Variants in DLGAP3 observed in about 807,000 individuals in gnomAD.
DLGAP3 encodes DLG associated protein 3.
A neutral mutation model predicts 81.2 loss-of-function variants in DLGAP3; 17 were observed. The observed-to-expected ratio is 0.21, with a 90% CI of 0.14 to 0.31. The LOEUF (loss-of-function observed/expected upper bound fraction) is 0.31, where lower values mean the gene tolerates loss of function less well. DLGAP3 is among the 10% of genes least tolerant of loss of function. The probability of loss-of-function intolerance (pLI) is 1.00; values close to 1 mark genes in which losing one functional copy is unlikely to be tolerated. For synonymous variants in DLGAP3, 577 were observed against 587.4 expected (o/e 0.98, Z 0.26); for missense variants, 1,124 against 1,388.0 (o/e 0.81, Z 3.02).
At chr1:34,928,514 G>A (rs1639907345) in intron 1 of DLGAP3, among the ~76,000 whole-genome samples, 1 of 152,130 alleles carries the variant, frequency 6.6e-6, no homozygotes, top group South Asian at 2.1e-4. Flanking sequence ...TAGAGACCAA[G>A]CTGGGGAGTG....
At position 34,869,100 on chromosome 1, in the gene DLGAP3, G is replaced by T; in HGVS notation, c.2001-11C>A. 3 of 1,575,262 alleles carry T rather than the reference G, an allele frequency of 1.9e-6. No individual in the cohort carries two copies. In the South Asian group the frequency reaches 3.4e-5, roughly 18 times the overall value. ...TTGAACCTTGCTCGCCTGGGGAGAGGGGTGGCTGTCATCCCCCATTGCCCA... is the reference window on the plus strand; with the variant it reads ...TTGAACCTTGCTCGCCTGGGGAGAGTGGTGGCTGTCATCCCCCATTGCCCA... On this transcript the variant is annotated splice_polypyrimidine_tract_variant and intron_variant, in intron 8 of 11. Transcript: ENST00000373347.
chr1:34,888,044 T>C (rs1344066838), intron 5 of DLGAP3, among the ~76,000 whole-genome samples: 1 of 152,142 alleles, frequency 6.6e-6, no homozygotes, highest in Non-Finnish European at 1.5e-5. Context: ...GTAGAGTCCA[T>C]TGGATGAAGT....
rs1639011917 is a variant in DLGAP3, at chr1:34,873,738, A to G, written c.2001-4649T>C. 6.6e-6 allele frequency among the ~76,000 whole-genome samples: 1 copy of G among 152,152 alleles called. No homozygotes were observed. Among genetic ancestry groups the G allele is most frequent in the Non-Finnish European group, 1.5e-5 (1 of 68,028 alleles). On this transcript the variant is annotated intron_variant, in intron 8 of 11. Coordinates refer to ENST00000373347, the MANE Select transcript of DLGAP3 (RefSeq NM_001080418.3). This position sits in a 1 kb window ranked among gnomAD's most constrained non-coding sequence, Gnocchi z 4.2. ...ACAGCGCTTTGAACAAAACTCTTTT[A>G]TACTCCATATCACATTGTATCATGG...
intron 8 of DLGAP3, among the ~76,000 whole-genome samples, chr1:34,883,959 C>T (rs1224109417): frequency 6.6e-6 from 1 of 151,986 alleles, no homozygotes; most frequent in African/African-American, 2.4e-5. Context: ...CACTCAGTCA[C>T]CCAGGCTGGA....
intron 5 of DLGAP3, 77 bp from the exon 6 acceptor site, chr1:34,886,362 G>GGGAA: frequency 7.4e-7 from 1 of 1,359,926 alleles, no homozygotes; most frequent in Non-Finnish European, 9.9e-7. Context: ...TCTGCCTTAG[G>GGGAA]GGAAGACCTC....
At chr1:34,869,530 C>T (rs558453177) in intron 8 of DLGAP3, among the ~76,000 whole-genome samples, 373 of 144,506 alleles carry the variant, frequency 2.6e-3, no homozygotes, top group Non-Finnish European at 4.2e-3. Flanking sequence ...GCTCTTGTTG[C>T]CCAGGCTGGA....
In DLGAP3 at chr1:34,904,870, G is replaced by T; in HGVS notation, c.514C>A (p.His172Asn). 1 of 1,610,262 alleles carries T rather than the reference G, an allele frequency of 6.2e-7. No individual in the cohort carries two copies. The change falls in exon 3 of 12, where the codon CAC becomes AAC. Residue 172 changes from histidine to asparagine, a missense_variant. By Grantham distance (68) the His-to-Asn change is moderately conservative (BLOSUM62 1). Transcript: ENST00000373347. The surrounding 1 kb of genome is among the most constrained non-coding windows in gnomAD (Gnocchi z 8.1). ...PRSESPSRIR[H>N]LVHSVQKLFA... is the part of the protein sequence containing the mutation. ...AGCTTCTGCACAGAATGAACCAGGT[G>T]CCGGATGCGGCTAGGGCTCTCACTG...
At chr1:34,925,004 C>A (rs1432660015) in intron 1 of DLGAP3, among the ~76,000 whole-genome samples, 1 of 152,174 alleles carries the variant, frequency 6.6e-6, no homozygotes, top group Non-Finnish European at 1.5e-5. Context: ...AGGAGCAAAT[C>A]CCCGCCGAAT....
At chr1:34,928,495 A>G (rs1639906782) in intron 1 of DLGAP3, among the ~76,000 whole-genome samples, 3 of 151,248 alleles carry the variant, frequency 2.0e-5, no homozygotes, top group Admixed American at 1.3e-4. Context: ...CCCCTGAGGT[A>G]GGTGAAGGTA....
chr1:34,874,050 C>T (rs1639015843), intron 8 of DLGAP3, among the ~76,000 whole-genome samples: 1 of 152,214 alleles, frequency 6.6e-6, no homozygotes, highest in South Asian at 2.1e-4. Context: ...GCATGTGCAA[C>T]TTCCAGAAAG....
intron 8 of DLGAP3, among the ~76,000 whole-genome samples, chr1:34,871,909 C>T (rs976827490): frequency 3.3e-5 from 5 of 152,118 alleles, no homozygotes; most frequent in Admixed American, 1.3e-4. Context: ...CCAAGGAAGT[C>T]GAGGAGCTGA....
At chr1:34,879,241 T>G (rs1418299990) in intron 8 of DLGAP3, among the ~76,000 whole-genome samples, 1 of 152,156 alleles carries the variant, frequency 6.6e-6, no homozygotes, top group Non-Finnish European at 1.5e-5. Context: ...GTAGAATCAG[T>G]GGGAGCCCTG....
At position 34,868,882 on chromosome 1, in the gene DLGAP3, C is replaced by A; in HGVS notation, c.2208G>T (p.Gln736His). ...GTGGGTAGCCCTCGCGGTAGGCCCA[C>A]TGGCCCTGCGTGTGGACCGTGCGGA... ...SVFRTVHTQG[Q>H]WAYREGYPLP... The change falls in exon 9 of 12, where the codon CAG (glutamine) becomes CAT (histidine). Residue 736 changes from glutamine to histidine, a missense_variant. Transcript: ENST00000373347. The surrounding 1 kb of genome is among the most constrained non-coding windows in gnomAD (Gnocchi z 7.5). 6.3e-7 allele frequency: 1 copy of A among 1,597,650 alleles called. No individual in the cohort carries two copies. Among genetic ancestry groups the A allele is most frequent in the Non-Finnish European group, 8.5e-7 (1 of 1,175,196 alleles).
chr1:34,886,264 G>T lies in DLGAP3; in HGVS notation c.1408C>A (p.Gln470Lys), dbSNP rs1384821965. The change falls in exon 6 of 12, where the codon CAG becomes AAG. Residue 470 changes from glutamine to lysine, a missense_variant. Physicochemically the swap from Gln to Lys is moderately conservative, Grantham distance 53. Coordinates refer to ENST00000373347, the MANE Select transcript of DLGAP3 (RefSeq NM_001080418.3). ...ACCGACCCGCACACGGCCTCCAGCT[G>T]CTGGTTCAACTCATCGCTGAGCTGG... Reference protein sequence around the residue: ...TGQLSDELNQQLEAVCGSVFG... With the variant: ...TGQLSDELNQKLEAVCGSVFG... 1.2e-6 allele frequency: 2 copies of T among 1,602,974 alleles called. No homozygotes were observed.
At chr1:34,888,974 G>A (rs529323339) in intron 5 of DLGAP3, among the ~76,000 whole-genome samples, 12 of 152,292 alleles carry the variant, frequency 7.9e-5, no homozygotes, top group Admixed American at 2.0e-4. Flanking sequence ...CACTGGTCTC[G>A]AGTCCAGACA....
At chr1:34,879,328 G>A (rs1447272940) in intron 8 of DLGAP3, among the ~76,000 whole-genome samples, 1 of 152,124 alleles carries the variant, frequency 6.6e-6, no homozygotes, top group Admixed American at 6.5e-5. Flanking sequence ...ATTCTCATAA[G>A]GAGCACACAA....
intron 1 of DLGAP3, among the ~76,000 whole-genome samples, chr1:34,919,353 G>A (rs1169888061): frequency 2.6e-5 from 4 of 152,210 alleles, no homozygotes; most frequent in African/African-American, 9.6e-5. Context: ...CTTAGCAGCT[G>A]TCCTCCCAGC....
In DLGAP3 at chr1:34,900,203, C is replaced by T; in HGVS notation, c.1178G>A (p.Arg393Gln). The T allele has an allele frequency of 1.9e-6, 3 of 1,614,110 alleles. No individual in the cohort carries two copies. Among genetic ancestry groups the T allele is most frequent in the Non-Finnish European group, 1.7e-6 (2 of 1,180,012 alleles). The change falls in exon 4 of 12, where the codon CGG (arginine) becomes CAG (glutamine). Residue 393 changes from arginine to glutamine, a missense_variant. Transcript: ENST00000373347. The surrounding 1 kb of genome is among the most constrained non-coding windows in gnomAD (Gnocchi z 5.6). ...KDGEIPCRRM[R>Q]SGSYIKAMGD... ...CATGGCTTTGATGTAGCTGCCGCTC[C>T]GCATCCTGCGGCAGGGGATCTCCCC...
In DLGAP3 at chr1:34,895,365, CAAA is replaced by C. The variant is rs547362741; in HGVS notation, c.1386+4301_1386+4303del. On this transcript the variant is annotated intron_variant, in intron 5 of 11. Coordinates refer to ENST00000373347, the MANE Select transcript of DLGAP3 (RefSeq NM_001080418.3). This position sits in a 1 kb window ranked among gnomAD's most constrained non-coding sequence, Gnocchi z 4.5. ...CCTGGGCGACAGAGCGAGACTGTCTCAAAAAAAAAAAAAAATTAAAATAATAAT... is the reference window on the plus strand; with the variant it reads ...CCTGGGCGACAGAGCGAGACTGTCTCAAAAAAAAAAAATTAAAATAATAAT... Among the ~76,000 whole-genome samples, 1 of 86,980 alleles carries C rather than the reference CAAA, an allele frequency of 1.1e-5. No homozygotes were observed. The highest frequency in any genetic ancestry group is 2.4e-5 in the Non-Finnish European group (1 of 41,710). 57.1% of individuals were successfully genotyped at this position (86,980 alleles called of 152,430 possible).
Sources: allele counts gnomAD v4.1 joint callset (sites outside exome capture counted in the v4.1 genomes callset), GRCh38; gene constraint gnomAD v4.1.1; non-coding constraint Gnocchi (gnomAD v3.1); transcripts MANE v1.5; gene names NCBI Gene and HGNC (gene_info 2026-07-23, HGNC 2026-07-21).